The following STRN variants were observed in gnomAD, a reference collection of about 807,000 sequenced individuals.
STRN encodes protein phosphatase 2 regulatory subunit B'''alpha.
A neutral mutation model predicts 96.3 loss-of-function variants in STRN; 53 were observed. That is an observed-to-expected ratio of 0.55 (90% CI 0.44 to 0.69). STRN has a LOEUF of 0.69. STRN is among the 30% of genes least tolerant of loss of function. The probability of loss-of-function intolerance (pLI) is 0.00; values close to 1 mark genes in which losing one functional copy is unlikely to be tolerated. For missense variants in STRN, 987 were observed against 963.9 expected, an observed-to-expected ratio of 1.02 and a Z score of -0.32; for synonymous variants, 428 against 355.9, an observed-to-expected ratio of 1.20 and a Z score of -2.28.
Position 36,910,692 on chromosome 2 carries a change from G to T in STRN, c.413-5074C>A, listed in dbSNP as rs560404408. 1.1e-4 allele frequency among the ~76,000 whole-genome samples: 16 copies of T among 152,192 alleles called. No individual in the cohort carries two copies. The South Asian group carries it at 3.3e-3, about 32-fold the overall frequency. ...GAAGGAAAAGAAACAAGAACAGACT[G>T]AACAAAATGAATTACAAAGGTAGTA... On this transcript the variant is annotated intron_variant, in intron 3 of 17. Coordinates refer to ENST00000263918, the MANE Select transcript of STRN (RefSeq NM_003162.4).
At chr2:36,932,013 G>A (rs1320643304) in intron 1 of STRN, among the ~76,000 whole-genome samples, 1 of 152,058 alleles carries the variant, frequency 6.6e-6, no homozygotes, top group Non-Finnish European at 1.5e-5. Context: ...TAGAGACAGG[G>A]TCTTGCTATG....
chr2:36,856,606 C>T (rs1460626167), intron 14 of STRN, among the ~76,000 whole-genome samples: 2 of 152,126 alleles, frequency 1.3e-5, no homozygotes, highest in Non-Finnish European at 1.5e-5. Context: ...GAAATCACAA[C>T]AGTGGGTACC....
At chr2:36,932,201 C>G (rs1670593001) in intron 1 of STRN, among the ~76,000 whole-genome samples, 1 of 152,154 alleles carries the variant, frequency 6.6e-6, no homozygotes, top group Admixed American at 6.6e-5. Context: ...GTTGCCCAGG[C>G]TGGAGTACAG....
chr2:36,918,287 T>A (rs1298304903), intron 2 of STRN, among the ~76,000 whole-genome samples: 1 of 152,158 alleles, frequency 6.6e-6, no homozygotes, highest in South Asian at 2.1e-4. Flanking sequence ...AAGTTCTAAA[T>A]GTAACTGTCA....
intron 10 of STRN, among the ~76,000 whole-genome samples, chr2:36,872,396 T>C (rs1053840586): frequency 2.0e-5 from 3 of 152,194 alleles, no homozygotes; most frequent in African/African-American, 7.2e-5. Flanking sequence ...AGATCCACCC[T>C]ACAAGTCAAG....
chr2:36,966,479 C>T lies in STRN; in HGVS notation c.-16G>A, dbSNP rs1665169007. 7.0e-7 allele frequency: 1 copy of T among 1,427,818 alleles called. No homozygotes were observed. The highest frequency in any genetic ancestry group is 9.1e-7 in the Non-Finnish European group (1 of 1,093,848). 88.4% of individuals were successfully genotyped at this position (1,427,818 alleles called of 1,614,324 possible). The stretch of plus-strand genomic sequence containing the variant: ...GCTCGTCCATGGCGGCCGCAGATAC[C>T]CGGGGAGCTGCCCCGGCGCCCAGCA... On this transcript the variant is annotated 5_prime_UTR_variant, in exon 1 of 18. Transcript: ENST00000263918.
At chr2:36,905,022 T>A (rs1572663449) in intron 4 of STRN, among the ~76,000 whole-genome samples, 1 of 149,486 alleles carries the variant, frequency 6.7e-6, no homozygotes, top group Non-Finnish European at 1.5e-5. Context: ...CAGGCTGGAG[T>A]GCAATGGCGC....
chr2:36,885,538 T>C (rs1336984059), intron 8 of STRN, among the ~76,000 whole-genome samples: 2 of 152,170 alleles, frequency 1.3e-5, no homozygotes, highest in Admixed American at 1.3e-4. Flanking sequence ...CTCATTCTGA[T>C]TTAATCTATC....
At position 36,893,994 on chromosome 2, in the gene STRN, G is replaced by T. The variant is rs758893821; in HGVS notation, c.835C>A (p.Arg279=). 3.1e-6 allele frequency: 5 copies of T among 1,613,066 alleles called. No homozygotes were observed. The South Asian group carries it at 3.3e-5, about 11-fold the overall frequency. Residue 279 remains arginine, a synonymous_variant, in exon 7 of 18, where the codon CGA becomes AGA. Transcript: ENST00000263918. ...TCCTTTAGAGCTTCTTTTGTATCTC[G>T]ATCTTCACCGCTGTCAGGCAATGCT... ...KKALPDSGED[R]DTKEALKEFD... is the part of the protein sequence containing the mutation.
At chr2:36,925,011 G>T in intron 2 of STRN, 94 bp downstream of exon 2, 1 of 1,118,440 alleles carries the variant, frequency 8.9e-7, no homozygotes, top group Non-Finnish European at 1.3e-6. Flanking sequence ...AGCCAAGATC[G>T]TACCATTGCA....
At chr2:36,949,740 G>C (rs574009050) in intron 1 of STRN, among the ~76,000 whole-genome samples, 1 of 152,282 alleles carries the variant, frequency 6.6e-6, no homozygotes, top group South Asian at 2.1e-4. Context: ...AACTGGGTTT[G>C]GGAAAAGGAT....
At chr2:36,953,959 G>A (rs1664819969) in intron 1 of STRN, among the ~76,000 whole-genome samples, 2 of 152,044 alleles carry the variant, frequency 1.3e-5, no homozygotes, top group South Asian at 4.1e-4. Flanking sequence ...TCATGCCTAT[G>A]AATAGTCACT....
chr2:36,852,728 C>A (rs985514872), intron 15 of STRN, among the ~76,000 whole-genome samples: 2 of 152,122 alleles, frequency 1.3e-5, no homozygotes, highest in African/African-American at 4.8e-5. Context: ...TTTATATTCA[C>A]ATAATAGAAA....
In STRN at chr2:36,839,954, G is replaced by C. The variant is rs1179333079; in HGVS notation, c.*9502C>G. 3 of 152,150 alleles carry C rather than the reference G, an allele frequency of 2.0e-5. No individual in the cohort carries two copies. The highest frequency in any genetic ancestry group is 4.1e-4 in the South Asian group (2 of 4,824). The allele number at this position is 152,150 out of a possible 1,614,324, so 9.4% of individuals were successfully genotyped here. ...GTGCTGTCAGAAAACCAAAGACAGA[G>C]ATGTTCCTAGGAGAGTTAATAAACA... On this transcript the variant is annotated 3_prime_UTR_variant, in exon 18 of 18. Transcript: ENST00000263918.
At chr2:36,868,741 A>AG (rs1668691829) in intron 11 of STRN, among the ~76,000 whole-genome samples, 1 of 152,164 alleles carries the variant, frequency 6.6e-6, no homozygotes. Context: ...GATCTCTCTT[A>AG]AGCCAGGCAA....
At position 36,924,849 on chromosome 2, in the gene STRN, G is replaced by A. The variant is rs982347260; in HGVS notation, c.338+256C>T. Among the ~76,000 whole-genome samples the A allele has an allele frequency of 5.3e-5, 8 of 152,166 alleles. No homozygotes were observed. In the South Asian group the frequency reaches 1.2e-3, roughly 24 times the overall value. On this transcript the variant is annotated intron_variant, in intron 2 of 17. Transcript: ENST00000263918. ...AGGTGGGCAGATCACCTGAGGTCAG[G>A]AATTCGAGACCAGCCTGACCAACAT...
intron 10 of STRN, among the ~76,000 whole-genome samples, chr2:36,871,446 G>C (rs574924644): frequency 3.3e-5 from 5 of 152,244 alleles, no homozygotes; most frequent in Non-Finnish European, 5.9e-5. Flanking sequence ...ATGCTGTATA[G>C]ATTTGTAAAG....
chr2:36,956,979 G>A (rs567449535), intron 1 of STRN, among the ~76,000 whole-genome samples: 21 of 152,244 alleles, frequency 1.4e-4, no homozygotes, highest in Middle Eastern at 6.8e-3. Context: ...ACAAAAATAG[G>A]AAGGAATTAT....
At position 36,902,739 on chromosome 2, in the gene STRN, C is replaced by T. The variant is rs1219895841; in HGVS notation, c.504G>A (p.Glu168=). ...CTAGAATAGTATCTGTATAACCCAC[C>T]TCCTGTAGATACCTGTGTGAAGAGA... The part of the protein sequence containing the change: ...GRQLLRQYLQ[E]VGYTDTILDV... Residue 168 remains glutamate, a synonymous_variant, in exon 5 of 18, where the codon GAG becomes GAA. Coordinates refer to ENST00000263918, the MANE Select transcript of STRN (RefSeq NM_003162.4). 1.9e-6 allele frequency: 3 copies of T among 1,605,426 alleles called. No individual in the cohort carries two copies. Among genetic ancestry groups the T allele is most frequent in the Non-Finnish European group, 2.6e-6 (3 of 1,174,730 alleles).
Sources: gnomAD v4.1 joint callset for allele counts (sites outside exome capture counted in the v4.1 genomes callset) on GRCh38, gnomAD v4.1.1 for gene constraint, MANE v1.5 for transcripts, NCBI Gene and HGNC (gene_info 2026-07-23, HGNC 2026-07-21) for gene names.